Variants in TBK1 observed in about 807,000 individuals in gnomAD.
TBK1 encodes the protein serine/threonine-protein kinase TBK1.
A neutral mutation model predicts 99.9 loss-of-function variants in TBK1; 37 were observed. The ratio of observed to expected loss-of-function variants is 0.37; its 90% CI spans 0.28 to 0.49. TBK1 has a LOEUF of 0.49. TBK1 is among the 20% of genes least tolerant of loss of function. TBK1 has a pLI of 0.98. For missense variants in TBK1, 644 were observed against 872.5 expected (o/e 0.74, Z 3.30); for synonymous variants, 258 against 279.8 (o/e 0.92, Z 0.78).
In TBK1 at chr12:64,485,363, T is replaced by C. The variant is rs565769437; in HGVS notation, c.1190-92T>C. The C allele has an allele frequency of 1.9e-3, 1,049 of 540,470 alleles. 5 individuals are homozygous for C. Among genetic ancestry groups the C allele is most frequent in the Middle Eastern group, 0.013 (26 of 2,056 alleles). The allele number at this position is 540,470 out of a possible 1,614,324, so 33.5% of individuals were successfully genotyped here. Reference sequence around the variant, plus strand: ...ACTACATTACAGATTTTGCCACTAATGTTTAATTTAGACATTGTGTTTGCT... The same window carrying C: ...ACTACATTACAGATTTTGCCACTAACGTTTAATTTAGACATTGTGTTTGCT... On this transcript the variant is annotated intron_variant, in intron 9 of 20. Coordinates refer to ENST00000331710, the MANE Select transcript of TBK1 (RefSeq NM_013254.4).
chr12:64,475,918 T>C (rs963994141), intron 6 of TBK1, among the ~76,000 whole-genome samples: 8 of 152,158 alleles, frequency 5.3e-5, no homozygotes, highest in Non-Finnish European at 1.2e-4. Flanking sequence ...GTTCTATTTT[T>C]AGTTATTTGA....
intron 4 of TBK1, among the ~76,000 whole-genome samples, chr12:64,466,184 C>G (rs2040601522): frequency 6.6e-6 from 1 of 152,020 alleles, no homozygotes; most frequent in African/African-American, 2.4e-5. Context: ...ATTGGTAGTC[C>G]TGAGTTTTAA....
intron 3 of TBK1, among the ~76,000 whole-genome samples, chr12:64,463,054 G>A (rs1279888792): frequency 6.6e-6 from 1 of 152,132 alleles, no homozygotes; most frequent in Non-Finnish European, 1.5e-5. Flanking sequence ...TAGAAGAGCT[G>A]TTGTCCTAAA....
chr12:64,461,756 C>T (rs1190224392), intron 3 of TBK1, among the ~76,000 whole-genome samples: 1 of 152,184 alleles, frequency 6.6e-6, no homozygotes, highest in Non-Finnish European at 1.5e-5. Context: ...GGGGGTTGCC[C>T]ATGACACTCA....
intron 6 of TBK1, among the ~76,000 whole-genome samples, chr12:64,476,888 T>C (rs1302455072): frequency 1.3e-5 from 2 of 152,170 alleles, no homozygotes; most frequent in African/African-American, 4.8e-5. Context: ...TGCATATGGT[T>C]AGCTAGTTTT....
intron 5 of TBK1, among the ~76,000 whole-genome samples, chr12:64,473,862 G>T (rs542454002): frequency 2.0e-5 from 3 of 152,022 alleles, no homozygotes; most frequent in Non-Finnish European, 4.4e-5. Context: ...ACTCGAACCC[G>T]GGAAGCAGAG....
At chr12:64,464,742 A>G in intron 4 of TBK1, among the ~76,000 whole-genome samples, 1 of 152,160 alleles carries the variant, frequency 6.6e-6, no homozygotes, top group East Asian at 1.9e-4. Context: ...AGACAACTCA[A>G]CAATAAAAAG....
intron 8 of TBK1, among the ~76,000 whole-genome samples, chr12:64,482,679 G>C (rs2040779404): frequency 6.6e-6 from 1 of 152,124 alleles, no homozygotes; most frequent in Admixed American, 6.5e-5. Flanking sequence ...TACAAATACT[G>C]TTTCTAATTA....
At chr12:64,484,872 A>G (rs893610039) in intron 9 of TBK1, among the ~76,000 whole-genome samples, 8 of 152,216 alleles carry the variant, frequency 5.3e-5, no homozygotes, top group African/African-American at 1.9e-4. Context: ...ACTATAGTTG[A>G]AAGAGAGTAA....
At chr12:64,455,297 T>G (rs1361196846) in intron 1 of TBK1, among the ~76,000 whole-genome samples, 1 of 152,150 alleles carries the variant, frequency 6.6e-6, no homozygotes, top group Non-Finnish European at 1.5e-5. Context: ...AAACTTAGAT[T>G]TTTTTTGTCA....
chr12:64,492,367 C>T (rs1252778381), intron 13 of TBK1, among the ~76,000 whole-genome samples: 1 of 151,988 alleles, frequency 6.6e-6, no homozygotes, highest in African/African-American at 2.4e-5. Context: ...AGTGCAGTGG[C>T]GCGATCTTGG....
At chr12:64,471,902 C>T (rs1335475679) in intron 5 of TBK1, among the ~76,000 whole-genome samples, 1 of 152,094 alleles carries the variant, frequency 6.6e-6, no homozygotes, top group Non-Finnish European at 1.5e-5. Context: ...ATTATTGCAC[C>T]GTGTGAGGAG....
intron 12 of TBK1, among the ~76,000 whole-genome samples, chr12:64,489,630 G>T (rs1334738654): frequency 6.7e-6 from 1 of 149,156 alleles, no homozygotes; most frequent in Non-Finnish European, 1.5e-5. Flanking sequence ...GTGCAGTGAT[G>T]CAATCACTGC....
chr12:64,464,317 A>AT lies in TBK1; in HGVS notation c.229-16dup. On this transcript the variant is annotated splice_polypyrimidine_tract_variant and intron_variant, in intron 3 of 20. Coordinates refer to ENST00000331710, the MANE Select transcript of TBK1 (RefSeq NM_013254.4). ...TATTTTTTATGTTGATTCCCAATCA[A>AT]TGATTTTTTTTTTCAGACAACAACA... 7.0e-7 allele frequency: 1 copy of AT among 1,425,918 alleles called. No individual in the cohort carries two copies. Among genetic ancestry groups the AT allele is most frequent in the Non-Finnish European group, 9.2e-7 (1 of 1,085,476 alleles). The allele number at this position is 1,425,918 out of a possible 1,614,324, so 88.3% of individuals were successfully genotyped here.
At chr12:64,454,074 A>G (rs1043100239) in intron 1 of TBK1, among the ~76,000 whole-genome samples, 1 of 152,212 alleles carries the variant, frequency 6.6e-6, no homozygotes, top group Non-Finnish European at 1.5e-5. Flanking sequence ...CTCTGAAGGA[A>G]ACAAAGTAAT....
chr12:64,457,696 A>C (rs1264215196), intron 2 of TBK1, among the ~76,000 whole-genome samples: 1 of 152,160 alleles, frequency 6.6e-6, no homozygotes, highest in Non-Finnish European at 1.5e-5. Flanking sequence ...GACATATTGA[A>C]AGGGCCTGGC....
chr12:64,463,857 G>GTTTTT (rs372307706), intron 3 of TBK1, among the ~76,000 whole-genome samples: 2 of 122,844 alleles, frequency 1.6e-5, no homozygotes, highest in African/African-American at 6.0e-5. Flanking sequence ...GAAAATGTTA[G>GTTTTT]TTTTTTTTTT....
chr12:64,452,546 T>G (rs1365733896), intron 1 of TBK1: 1 of 152,198 alleles, frequency 6.6e-6, no homozygotes, highest in African/African-American at 2.4e-5. Flanking sequence ...GCCTGGGCCC[T>G]GGCTGCCTGG....
rs73313880 is a variant in TBK1 at position 64,483,420 on chromosome 12, C to T, written c.993-883C>T. Among the ~76,000 whole-genome samples the T allele has an allele frequency of 2.8e-3, 428 of 152,198 alleles. 1 individual carries two copies. The highest frequency in any genetic ancestry group is 9.8e-3 in the African/African-American group (407 of 41,514). ...TTCATGGGGAAGCTGTCTTTTCCCCCGAAGCATCATTTTGAAAATACCTAG... is the reference window on the plus strand; with the variant it reads ...TTCATGGGGAAGCTGTCTTTTCCCCTGAAGCATCATTTTGAAAATACCTAG... On this transcript the variant is annotated intron_variant, in intron 8 of 20. Transcript: ENST00000331710.
Sources: gnomAD v4.1 joint callset for allele counts (sites outside exome capture counted in the v4.1 genomes callset) on GRCh38, gnomAD v4.1.1 for gene constraint, MANE v1.5 for transcripts, NCBI Gene and HGNC (gene_info 2026-07-23, HGNC 2026-07-21) for gene names.